The following TULP4 variants were observed in gnomAD, a reference collection of about 807,000 sequenced individuals.
The protein encoded by TULP4 is tubby-related protein 4.
TULP4 carries 16 observed loss-of-function variants against 129.0 expected under a neutral mutation model. The ratio of observed to expected loss-of-function variants is 0.12; its 90% CI spans 0.08 to 0.19. TULP4 has a LOEUF of 0.19. TULP4 is among the 10% of genes least tolerant of loss of function. TULP4 has a pLI of 1.00. For missense variants in TULP4, 1,842 were observed against 2,059.1 expected, an observed-to-expected ratio of 0.89 and a Z score of 2.04; for synonymous variants, 998 against 854.0, an observed-to-expected ratio of 1.17 and a Z score of -2.94.
intron 1 of TULP4, among the ~76,000 whole-genome samples, chr6:158,337,030 T>C (rs374734140): frequency 5.9e-3 from 26 of 4,422 alleles, no homozygotes; most frequent in African/African-American, 0.012. Context: ...ATTTTCTTTC[T>C]TTCTTTTTCT....
chr6:158,361,157 G>A (rs970971083), intron 1 of TULP4, among the ~76,000 whole-genome samples: 2 of 152,148 alleles, frequency 1.3e-5, no homozygotes, highest in African/African-American at 4.8e-5. Flanking sequence ...GGTGATACAG[G>A]AAGCTTGCAA....
At chr6:158,261,460 A>T (rs573134927) in intron 1 of TULP4, among the ~76,000 whole-genome samples, 1 of 152,266 alleles carries the variant, frequency 6.6e-6, no homozygotes, top group East Asian at 1.9e-4. Flanking sequence ...TATTCCCCGC[A>T]GATAACTTAG....
At chr6:158,435,752 G>A (rs547906232) in intron 3 of TULP4, among the ~76,000 whole-genome samples, 6 of 152,132 alleles carry the variant, frequency 3.9e-5, no homozygotes, top group Non-Finnish European at 5.9e-5. Flanking sequence ...CCGGATAGAC[G>A]TAGACGTTGC....
chr6:158,321,019 A>G (rs1392057384), intron 1 of TULP4, among the ~76,000 whole-genome samples: 2 of 151,988 alleles, frequency 1.3e-5, no homozygotes, highest in Non-Finnish European at 2.9e-5. Flanking sequence ...CTCACCTCTC[A>G]TTGTTTAGAA....
rs145229349 is a variant in TULP4 at position 158,375,703 on chromosome 6, C to T, written c.253-37362C>T. 4.5e-4 allele frequency among the ~76,000 whole-genome samples: 68 copies of T among 152,296 alleles called. 3 individuals carry two copies. In the East Asian group the frequency reaches 0.012, roughly 28 times the overall value. On this transcript the variant is annotated intron_variant, in intron 1 of 13. Coordinates refer to ENST00000367097, the MANE Select transcript of TULP4 (RefSeq NM_020245.5). ...ACACTGTAGGGTAAAATGCACGCTG[C>T]TTAGTTTCATTAGCAAGTGCTTATT...
intron 1 of TULP4, among the ~76,000 whole-genome samples, chr6:158,378,578 C>T (rs758961818): frequency 2.0e-5 from 3 of 151,082 alleles, no homozygotes; most frequent in Non-Finnish European, 4.4e-5. Context: ...TCTCCCCCAC[C>T]TCTCCAGGTT....
At chr6:158,308,689 T>G (rs1340985963), upstream of TULP4, among the ~76,000 whole-genome samples, 1 of 133,960 alleles carries the variant, frequency 7.5e-6, no homozygotes, top group Non-Finnish European at 1.6e-5. Flanking sequence ...GGCTCCTCAC[T>G]TCCCAGTAGG....
chr6:158,288,775 C>T (rs1294033388), intron 1 of TULP4, among the ~76,000 whole-genome samples: 2 of 152,210 alleles, frequency 1.3e-5, no homozygotes, highest in Non-Finnish European at 2.9e-5. Context: ...GCTGGGATTA[C>T]AGGCGTGAGC....
At position 158,248,370 on chromosome 6, in the gene TULP4, C is replaced by T. The variant is rs142173442; in HGVS notation, n.68+16067C>T. 1.6e-4 allele frequency among the ~76,000 whole-genome samples: 25 copies of T among 152,088 alleles called. No individual in the cohort carries two copies. The East Asian group carries it at 3.7e-3, about 22-fold the overall frequency. On this transcript the variant is annotated intron_variant and non_coding_transcript_variant, in intron 1 of 1. Coordinates refer to the TULP4 transcript ENST00000620026. ...CTGCAAGCTCTGCCTCCTGGGTTCA[C>T]GCCATTCTCCTGCCTCAGCCTCCCA...
At position 158,503,973 on chromosome 6, in the gene TULP4, G is replaced by T. The variant is rs148065194; in HGVS notation, c.4310G>T (p.Arg1437Leu). Residue 1437 changes from arginine (R) to leucine (L), a missense_variant, in exon 13 of 14, where the codon CGG (arginine) becomes CTG (leucine). Arg to Leu is a moderately radical substitution (Grantham distance 102). Transcript: ENST00000367097. The surrounding 1 kb of genome is among the most constrained non-coding windows in gnomAD (Gnocchi z 4.3). The part of the protein sequence containing the change: ...RKGWKSKRSP[R>L]AAGELEEAKC... Reference sequence around the variant, plus strand: ...GGCTGGAAAAGCAAGCGCTCCCCACGGGCCGCCGGCGAGCTGGAGGAGGCC... The same window carrying T: ...GGCTGGAAAAGCAAGCGCTCCCCACTGGCCGCCGGCGAGCTGGAGGAGGCC... The T allele has an allele frequency of 6.2e-7, 1 of 1,613,070 alleles. No individual in the cohort carries two copies. Among genetic ancestry groups the T allele is most frequent in the South Asian group, 1.1e-5 (1 of 91,018 alleles).
At chr6:158,476,359 GATA>G (rs1779820456) in intron 6 of TULP4, among the ~76,000 whole-genome samples, 1 of 152,088 alleles carries the variant, frequency 6.6e-6, no homozygotes, top group Non-Finnish European at 1.5e-5. Context: ...CGTTGCCCTA[GATA>G]ATAATTATTC....
intron 7 of TULP4, 146 bp from the exon 8 acceptor site, chr6:158,480,907 CAT>C (rs1364675186): frequency 1.5e-6 from 1 of 645,370 alleles, no homozygotes; most frequent in Non-Finnish European, 2.6e-6. Context: ...TTCTACACCA[CAT>C]AGTTACCCTC....
chr6:158,370,450 T>A, intron 1 of TULP4, among the ~76,000 whole-genome samples: 1 of 30,402 alleles, frequency 3.3e-5, no homozygotes. Context: ...AGAACAAAAC[T>A]CCATCTCAAA....
rs1417918072 is a variant in TULP4, at chr6:158,511,522, T to C, written c.*4828T>C. On this transcript the variant is annotated 3_prime_UTR_variant, in exon 14 of 14. Transcript: ENST00000367097. ...TTGTGCACCTCAGTTCCTCCAGTGTTGGTTTGTTTGTTTTTTAATTCAGCA... is the reference window on the plus strand; with the variant it reads ...TTGTGCACCTCAGTTCCTCCAGTGTCGGTTTGTTTGTTTTTTAATTCAGCA... 6.6e-6 allele frequency: 1 copy of C among 152,514 alleles called. No homozygotes were observed. 9.4% of individuals were successfully genotyped at this position (152,514 alleles called of 1,614,324 possible).
intron 1 of TULP4, among the ~76,000 whole-genome samples, chr6:158,408,633 G>T (rs575414197): frequency 5.6e-4 from 85 of 152,270 alleles, no homozygotes; most frequent in Admixed American, 2.6e-4. Context: ...CCACAGCTGT[G>T]CAGCTGGTGA....
chr6:158,340,186 T>C (rs1008502589), intron 1 of TULP4, among the ~76,000 whole-genome samples: 3 of 152,140 alleles, frequency 2.0e-5, no homozygotes, highest in Non-Finnish European at 4.4e-5. Context: ...ATTTGGTGAC[T>C]AGAGAAAAAT....
chr6:158,448,011 C>T (rs1779089365), intron 3 of TULP4, among the ~76,000 whole-genome samples: 1 of 152,142 alleles, frequency 6.6e-6, no homozygotes, highest in Admixed American at 6.6e-5. Context: ...GTCCTGCTGC[C>T]CAGGACCCAA....
intron 6 of TULP4, among the ~76,000 whole-genome samples, chr6:158,476,848 T>G (rs1239040987): frequency 6.6e-6 from 1 of 152,222 alleles, no homozygotes; most frequent in Admixed American, 6.5e-5. Context: ...GGTATCAATA[T>G]GTTGGCACTT....
rs566474363 is a variant in TULP4 at position 158,318,720 on chromosome 6, T to A, written c.252+4452T>A. On this transcript the variant is annotated intron_variant, in intron 1 of 13. Transcript: ENST00000367097. ...CAATCCCTTATCCTCAATTGTTATATCTTTTTTTTTTATTTAATTTTTTCA... is the reference window on the plus strand; with the variant it reads ...CAATCCCTTATCCTCAATTGTTATAACTTTTTTTTTTATTTAATTTTTTCA... Among the ~76,000 whole-genome samples, 7 of 152,128 alleles carry A rather than the reference T, an allele frequency of 4.6e-5. No homozygotes were observed. In the East Asian group the frequency reaches 1.4e-3, roughly 29 times the overall value.
Sources: allele counts gnomAD v4.1 joint callset (sites outside exome capture counted in the v4.1 genomes callset), GRCh38; gene constraint gnomAD v4.1.1; non-coding constraint Gnocchi (gnomAD v3.1); transcripts MANE v1.5; gene names NCBI Gene and HGNC (gene_info 2026-07-23, HGNC 2026-07-21).